The following TTC27 variants were observed in gnomAD, a reference collection of about 807,000 sequenced individuals.
TTC27 encodes the protein tetratricopeptide repeat domain 27.
In TTC27, 79 loss-of-function variants were observed where a neutral mutation model predicts 115.9. That is an observed-to-expected ratio of 0.68 (90% CI 0.57 to 0.82). The LOEUF (loss-of-function observed/expected upper bound fraction) is 0.82. TTC27 is among the 40% of genes least tolerant of loss of function. The pLI is 0.00. For missense variants in TTC27, 1,054 were observed against 993.1 expected (o/e 1.06, Z -0.82); for synonymous variants, 401 against 356.0 (o/e 1.13, Z -1.42).
At chr2:32,697,051 G>A (rs1033184087) in intron 9 of TTC27, among the ~76,000 whole-genome samples, 1 of 152,040 alleles carries the variant, frequency 6.6e-6, no homozygotes, top group Admixed American at 6.6e-5. Flanking sequence ...AATTAGCCAG[G>A]TGTGGTGGCA....
At chr2:32,747,547 G>A (rs1388076507) in intron 12 of TTC27, among the ~76,000 whole-genome samples, 2 of 152,140 alleles carry the variant, frequency 1.3e-5, no homozygotes, top group African/African-American at 2.4e-5. Context: ...TCTACCAAAT[G>A]TGTATTGCTA....
chr2:32,818,890 T>G (rs925049553), intron 19 of TTC27, among the ~76,000 whole-genome samples: 5 of 152,160 alleles, frequency 3.3e-5, no homozygotes, highest in Non-Finnish European at 7.3e-5. Flanking sequence ...AATAATTAAC[T>G]TACTTCACTT....
At chr2:32,654,002 G>T (rs955974172) in intron 5 of TTC27, among the ~76,000 whole-genome samples, 27 of 152,054 alleles carry the variant, frequency 1.8e-4, no homozygotes, top group African/African-American at 6.0e-4. Context: ...AATCTTACCA[G>T]TTCTTCCCCA....
chr2:32,690,964 C>T (rs545715686), intron 9 of TTC27, among the ~76,000 whole-genome samples: 19 of 152,258 alleles, frequency 1.2e-4, no homozygotes, highest in South Asian at 4.1e-4. Context: ...CAAACAATCA[C>T]GCACAGGAGA....
At chr2:32,650,937 G>A (rs1665098959) in intron 5 of TTC27, among the ~76,000 whole-genome samples, 1 of 152,116 alleles carries the variant, frequency 6.6e-6, no homozygotes, top group South Asian at 2.1e-4. Context: ...TGGAAAAGAG[G>A]AGAATCTTAG....
intron 8 of TTC27, among the ~76,000 whole-genome samples, chr2:32,673,518 C>T (rs1051105299): frequency 4.6e-5 from 7 of 152,114 alleles, no homozygotes; most frequent in Non-Finnish European, 4.4e-5. Flanking sequence ...TGAGCCACCA[C>T]ACCCGGCCAC....
chr2:32,762,628 G>T (rs968765957), intron 13 of TTC27, among the ~76,000 whole-genome samples: 1 of 147,196 alleles, frequency 6.8e-6, no homozygotes, highest in Non-Finnish European at 1.5e-5. Flanking sequence ...AGTTTTTTGG[G>T]TTTTTTTTTT....
At chr2:32,655,863 G>T (rs1339712708) in intron 5 of TTC27, among the ~76,000 whole-genome samples, 1 of 151,976 alleles carries the variant, frequency 6.6e-6, no homozygotes, top group Non-Finnish European at 1.5e-5. Context: ...CAATATGGTA[G>T]CCACTAGCCA....
chr2:32,633,280 C>T (rs1264574881), intron 2 of TTC27, among the ~76,000 whole-genome samples: 3 of 152,174 alleles, frequency 2.0e-5, no homozygotes, highest in Non-Finnish European at 2.9e-5. Context: ...CCACTAGCCA[C>T]ACTTAACTAT....
chr2:32,678,823 A>G (rs762228302), intron 8 of TTC27, 33 bp from the exon 9 acceptor site: 27 of 1,509,568 alleles, frequency 1.8e-5, no homozygotes, highest in Non-Finnish European at 2.5e-5. Flanking sequence ...CATGCATCTT[A>G]TAATTAATTT....
At chr2:32,726,309 C>G (rs550544402) in intron 10 of TTC27, among the ~76,000 whole-genome samples, 1 of 152,212 alleles carries the variant, frequency 6.6e-6, no homozygotes, top group East Asian at 1.9e-4. Context: ...TTATGCTCTG[C>G]TTCCCTTATA....
At chr2:32,799,260 G>T (rs1670839196) in intron 16 of TTC27, among the ~76,000 whole-genome samples, 1 of 152,206 alleles carries the variant, frequency 6.6e-6, no homozygotes. Flanking sequence ...GTTTAATGGG[G>T]TAGAGTTTCA....
intron 16 of TTC27, among the ~76,000 whole-genome samples, chr2:32,806,730 A>G (rs982040912): frequency 2.6e-5 from 4 of 152,058 alleles, no homozygotes; most frequent in African/African-American, 7.2e-5. Flanking sequence ...GCAGTGAGCC[A>G]AGATCGCGCC....
chr2:32,803,954 C>T (rs1671044927), intron 16 of TTC27, among the ~76,000 whole-genome samples: 1 of 151,354 alleles, frequency 6.6e-6, no homozygotes. Context: ...TTGCAGTGAG[C>T]CGAGATTGTG....
Position 32,820,796 on chromosome 2 carries a change from C to CT in TTC27, c.2410-17dup, listed in dbSNP as rs1291485464. ...AATTTGTGTTGTTTTAATACTTCTG[C>CT]TTTGTTTTTTATATTACAGCAACTT... On this transcript the variant is annotated intron_variant, in intron 19 of 19. Coordinates refer to ENST00000317907, the MANE Select transcript of TTC27 (RefSeq NM_017735.5). The CT allele has an allele frequency of 6.6e-7, 1 of 1,513,224 alleles. No individual in the cohort carries two copies. Among genetic ancestry groups the CT allele is most frequent in the East Asian group, 2.5e-5 (1 of 40,040 alleles). The allele number at this position is 1,513,224 out of a possible 1,614,324, so 93.7% of individuals were successfully genotyped here. A position where few individuals can be genotyped will look rare whatever the true frequency, so the allele number is the denominator to read the frequency against.
chr2:32,660,588 G>A (rs1344011683), intron 5 of TTC27, among the ~76,000 whole-genome samples: 1 of 151,920 alleles, frequency 6.6e-6, no homozygotes, highest in Non-Finnish European at 1.5e-5. Flanking sequence ...CATGGGGGGT[G>A]GGGGACTAGG....
chr2:32,633,001 T>C (rs534513576), intron 2 of TTC27, among the ~76,000 whole-genome samples: 23 of 152,298 alleles, frequency 1.5e-4, no homozygotes, highest in African/African-American at 5.3e-4. Flanking sequence ...GACTGAAAAA[T>C]AGAGTTTTCA....
rs116522777 is a variant in TTC27 at position 32,781,646 on chromosome 2, C to T, written c.1780-980C>T. Among the ~76,000 whole-genome samples the T allele has an allele frequency of 5.0e-3, 756 of 152,158 alleles. 5 individuals carry two copies. Among genetic ancestry groups the T allele is most frequent in the Non-Finnish European group, 7.4e-3 (501 of 67,980 alleles). ...AAATCAATGGAGATGGAGCCTTGCT[C>T]TCTTGACCAGGCTAGTCTCAAACTC... On this transcript the variant is annotated intron_variant, in intron 14 of 19. Transcript: ENST00000317907.
At chr2:32,768,895 G>A (rs1373039363) in intron 13 of TTC27, among the ~76,000 whole-genome samples, 1 of 152,160 alleles carries the variant, frequency 6.6e-6, no homozygotes, top group Non-Finnish European at 1.5e-5. Flanking sequence ...ATAGCCATAG[G>A]GATTTAGGAG....
Sources: gnomAD v4.1 joint callset for allele counts (sites outside exome capture counted in the v4.1 genomes callset) on GRCh38, gnomAD v4.1.1 for gene constraint, MANE v1.5 for transcripts, NCBI Gene and HGNC (gene_info 2026-07-23, HGNC 2026-07-21) for gene names.